Variants in KHNYN observed in about 807,000 individuals in gnomAD.
KHNYN encodes protein KHNYN.
A neutral mutation model predicts 62.7 loss-of-function variants in KHNYN; 42 were observed. That is an observed-to-expected ratio of 0.67 (90% confidence interval 0.52 to 0.87). The LOEUF (loss-of-function observed/expected upper bound fraction) is 0.87, where lower values mean the gene tolerates loss of function less well. KHNYN is among the 40% of genes least tolerant of loss of function. The pLI is 0.00. For synonymous variants in KHNYN, 347 were observed against 345.6 expected (o/e 1.00, Z -0.04); for missense variants, 829 against 874.1 (o/e 0.95, Z 0.65).
In KHNYN at chr14:24,430,951, C is replaced by A; in HGVS notation, c.201+20C>A. On this transcript the variant is annotated intron_variant, in intron 2 of 7. Coordinates refer to ENST00000553935, the MANE Select transcript of KHNYN (RefSeq NM_015299.3). ...GCCAAGGTGAACGCCTTCTCTCCCC[C>A]ATCCCTCCAGGCACCAAGGACGCTT... The A allele has an allele frequency of 7.5e-6, 12 of 1,601,656 alleles. No individual in the cohort carries two copies. The highest frequency in any genetic ancestry group is 1.0e-5 in the Non-Finnish European group (12 of 1,171,442).
At chr14:24,428,234 T>C, upstream of KHNYN, 1 of 1,602,780 alleles carries the variant, frequency 6.2e-7, no homozygotes, top group Non-Finnish European at 8.5e-7. Context: ...GCTCCCCTTC[T>C]TCCCCCTCCC....
chr14:24,432,042 A>T lies in KHNYN; in HGVS notation c.781A>T (p.Lys261Ter). The change falls in exon 3 of 8, where the codon AAA becomes TAA. Residue 261 changes from lysine (K) to a stop codon, truncating the protein, a stop_gained. Transcript: ENST00000553935. LOFTEE classifies it high-confidence loss of function. This position sits in a 1 kb window ranked among gnomAD's most constrained non-coding sequence, Gnocchi z 5.6. ...DTYAVEKEGG[K>*]QGGPREMDWG... ...TTACGCTGTGGAGAAGGAGGGAGGG[A>T]AACAGGGTGGTCCCAGGGAGATGGA... 2 of 1,601,194 alleles carry T rather than the reference A, an allele frequency of 1.2e-6. No homozygotes were observed. Among genetic ancestry groups the T allele is most frequent in the Non-Finnish European group, 1.7e-6 (2 of 1,172,124 alleles).
In KHNYN at chr14:24,440,169, T is replaced by C; in HGVS notation, c.*2884T>C. The C allele has an allele frequency of 6.2e-7, 1 of 1,613,884 alleles. No individual in the cohort carries two copies. Among genetic ancestry groups the C allele is most frequent in the Non-Finnish European group, 8.5e-7 (1 of 1,179,802 alleles). ...GCCAGTGTTCGCTGTGGGATCACCT[T>C]CTGGCCCTCCAGCAGCATGATGGCA... On this transcript the variant is annotated 3_prime_UTR_variant, in exon 8 of 8. Coordinates refer to ENST00000553935, the MANE Select transcript of KHNYN (RefSeq NM_015299.3).
chr14:24,429,630 GGAAAGT>G, upstream of KHNYN: 1 of 1,114,710 alleles, frequency 9.0e-7, no homozygotes, highest in Non-Finnish European at 1.1e-6. Context: ...TTGCTTTGGT[GGAAAGT>G]GCTTGGGCCT....
chr14:24,439,897 A>G lies in KHNYN; in HGVS notation c.*2612A>G, dbSNP rs2043268435. 1.8e-6 allele frequency: 1 copy of G among 554,918 alleles called. No homozygotes were observed. The highest frequency in any genetic ancestry group is 3.1e-6 in the Non-Finnish European group (1 of 319,758). 34.4% of individuals were successfully genotyped at this position (554,918 alleles called of 1,614,324 possible). On this transcript the variant is annotated 3_prime_UTR_variant, in exon 8 of 8. Transcript: ENST00000553935. ...ATCTTACAAGGAGTTGAAAAGATTA[A>G]TGTCCCAACCTGATGAGATTACGGC...
At chr14:24,428,503 A>T (rs1341842732), upstream of KHNYN, 22 of 1,419,950 alleles carry the variant, frequency 1.5e-5, no homozygotes, top group Non-Finnish European at 1.9e-5. Flanking sequence ...AATGAATAGA[A>T]GGAGTGGCAA....
At position 24,439,228 on chromosome 14, in the gene KHNYN, T is replaced by C. The variant is rs951879564; in HGVS notation, c.*1943T>C. 1 of 151,990 alleles carries C rather than the reference T, an allele frequency of 6.6e-6. No homozygotes were observed. The highest frequency in any genetic ancestry group is 1.5e-5 in the Non-Finnish European group (1 of 67,982). The allele number at this position is 151,990 out of a possible 1,614,324, so 9.4% of individuals were successfully genotyped here. ...AGGGTTGTTTATACTTCTTGATTGG[T>C]TTCTTGCCATTTTCACTTTCAGTGA... On this transcript the variant is annotated 3_prime_UTR_variant, in exon 8 of 8. Transcript: ENST00000553935.
rs761059456 is a variant in KHNYN at position 24,430,174 on chromosome 14, A to G, written c.-18+55A>G. 3.1e-6 allele frequency: 3 copies of G among 978,318 alleles called. No individual in the cohort carries two copies. The South Asian group carries it at 1.4e-4, about 46-fold the overall frequency. The allele number at this position is 978,318 out of a possible 1,614,324, so 60.6% of individuals were successfully genotyped here. A position where few individuals can be genotyped will look rare whatever the true frequency, so the allele number is the denominator to read the frequency against. On this transcript the variant is annotated intron_variant, in intron 1 of 7. Coordinates refer to ENST00000553935, the MANE Select transcript of KHNYN (RefSeq NM_015299.3). Reference sequence around the variant, plus strand: ...GCGGGGAGCGGGGGCCGCGGTGCGGAGTAGGCCCGGCCCGGGGTGGCTGCC... The same window carrying G: ...GCGGGGAGCGGGGGCCGCGGTGCGGGGTAGGCCCGGCCCGGGGTGGCTGCC...
rs1247950006 is a variant in KHNYN, at chr14:24,439,333, A to G, written c.*2048A>G. The G allele has an allele frequency of 6.6e-6, 1 of 152,184 alleles. No individual in the cohort carries two copies. Among genetic ancestry groups the G allele is most frequent in the Non-Finnish European group, 1.5e-5 (1 of 68,048 alleles). The allele number at this position is 152,184 out of a possible 1,614,324, so 9.4% of individuals were successfully genotyped here. A position where few individuals can be genotyped will look rare whatever the true frequency, so the allele number is the denominator to read the frequency against. On this transcript the variant is annotated 3_prime_UTR_variant, in exon 8 of 8. Coordinates refer to ENST00000553935, the MANE Select transcript of KHNYN (RefSeq NM_015299.3). ...TGGTTGACTGAGTGGCCCCAGTCAG[A>G]TGAGAGGCAAGTCCTAAGCTTCTTA...
rs759098212 is a variant in KHNYN, at chr14:24,440,086, G to C, written c.*2801G>C. 31 of 1,594,074 alleles carry C rather than the reference G, an allele frequency of 1.9e-5. No homozygotes were observed. The highest frequency in any genetic ancestry group is 1.7e-4 in the Middle Eastern group (1 of 6,002). On this transcript the variant is annotated 3_prime_UTR_variant, in exon 8 of 8. Coordinates refer to ENST00000553935, the MANE Select transcript of KHNYN (RefSeq NM_015299.3). Reference sequence around the variant, plus strand: ...TCAGGCCCTTGCCACGACCTACTTAGGCTACAATTTCCTTTAAGGCAGCCC... The same window carrying C: ...TCAGGCCCTTGCCACGACCTACTTACGCTACAATTTCCTTTAAGGCAGCCC...
Position 24,440,012 on chromosome 14 carries a change from G to T in KHNYN, c.*2727G>T. 1 of 1,319,028 alleles carries T rather than the reference G, an allele frequency of 7.6e-7. No individual in the cohort carries two copies. The highest frequency in any genetic ancestry group is 2.5e-5 in the Admixed American group (1 of 40,618). 81.7% of individuals were successfully genotyped at this position (1,319,028 alleles called of 1,614,324 possible). ...CAGATGGCTTCAGCTCTCTAGAGGA[G>T]CTGAGCCTATTCACAGTGCCTAACC... is the stretch of plus-strand genomic sequence containing the variant. On this transcript the variant is annotated 3_prime_UTR_variant, in exon 8 of 8. Coordinates refer to ENST00000553935, the MANE Select transcript of KHNYN (RefSeq NM_015299.3).
chr14:24,434,406 T>C, intron 5 of KHNYN: 1 of 983,956 alleles, frequency 1.0e-6, no homozygotes, highest in Non-Finnish European at 1.2e-6. Flanking sequence ...CCATATAATT[T>C]TTTTTTGGTT....
At position 24,430,853 on chromosome 14, in the gene KHNYN, C is replaced by T; in HGVS notation, c.123C>T (p.Val41=). 6.2e-7 allele frequency: 1 copy of T among 1,613,876 alleles called. No homozygotes were observed. Among genetic ancestry groups the T allele is most frequent in the African/African-American group, 1.3e-5 (1 of 75,074 alleles). ...VERIFSVGVS[V]LPKDCPDNPH... ...GCATCTTCAGCGTGGGGGTGAGCGT[C>T]CTTCCGAAGGACTGTCCGGACAACC... is the stretch of plus-strand genomic sequence containing the variant. The change falls in exon 2 of 8, where the codon GTC becomes GTT. Residue 41 remains valine (V), a synonymous_variant. Coordinates refer to ENST00000553935, the MANE Select transcript of KHNYN (RefSeq NM_015299.3).
rs951879564 is a variant in KHNYN at position 24,439,228 on chromosome 14, T to A, written c.*1943T>A. On this transcript the variant is annotated 3_prime_UTR_variant, in exon 8 of 8. Coordinates refer to ENST00000553935, the MANE Select transcript of KHNYN (RefSeq NM_015299.3). ...AGGGTTGTTTATACTTCTTGATTGG[T>A]TTCTTGCCATTTTCACTTTCAGTGA... 2.0e-5 allele frequency: 3 copies of A among 151,990 alleles called. No individual in the cohort carries two copies. Among genetic ancestry groups the A allele is most frequent in the Non-Finnish European group, 4.4e-5 (3 of 67,982 alleles). 9.4% of individuals were successfully genotyped at this position (151,990 alleles called of 1,614,324 possible). A position where few individuals can be genotyped will look rare whatever the true frequency, so the allele number is the denominator to read the frequency against.
upstream of KHNYN, chr14:24,429,830 C>G (rs1313732331): frequency 9.4e-7 from 1 of 1,059,188 alleles, no homozygotes; most frequent in Non-Finnish European, 1.1e-6. Flanking sequence ...CTGGAGCCGC[C>G]GAGGGGACTA....
At chr14:24,429,734 C>T (rs1195344213), upstream of KHNYN, 17 of 985,302 alleles carry the variant, frequency 1.7e-5, no homozygotes, top group African/African-American at 3.5e-5. Context: ...GTTCCCCTTT[C>T]CGAGAAGTAA....
At chr14:24,427,979 A>G (rs1444295265), upstream of KHNYN, 31 of 1,613,284 alleles carry the variant, frequency 1.9e-5, no homozygotes, top group Non-Finnish European at 2.5e-5. This position sits in a 1 kb window ranked among gnomAD's most constrained non-coding sequence, Gnocchi z 4.4. Flanking sequence ...GTTCAGCATC[A>G]GGCTCACCTG....
chr14:24,433,894 G>A (rs1467061480), intron 5 of KHNYN, among the ~76,000 whole-genome samples: 1 of 152,230 alleles, frequency 6.6e-6, no homozygotes, highest in Non-Finnish European at 1.5e-5. Flanking sequence ...TGTGAGAAAT[G>A]AGCAGATTTT....
chr14:24,428,962 C>T, upstream of KHNYN: 1 of 1,551,648 alleles, frequency 6.4e-7, no homozygotes, highest in Non-Finnish European at 8.7e-7. Context: ...CCTCCTGGGC[C>T]CACCCGGCCC....
Sources: allele counts gnomAD v4.1 joint callset (sites outside exome capture counted in the v4.1 genomes callset), GRCh38; gene constraint gnomAD v4.1.1; non-coding constraint Gnocchi (gnomAD v3.1); transcripts MANE v1.5; gene names NCBI Gene and HGNC (gene_info 2026-07-23, HGNC 2026-07-21).